EYS: variants seen among roughly 807,000 people sequenced by gnomAD.
EYS encodes protein eyes shut homolog.
A neutral mutation model predicts 282.1 loss-of-function variants in EYS; 250 were observed. That is an observed-to-expected ratio of 0.89 (90% CI 0.80 to 0.98). The LOEUF is 0.98. Ranked by LOEUF, EYS falls within the 50% of genes least tolerant of loss-of-function variation. The pLI, the probability that EYS is intolerant of heterozygous loss-of-function variation, is 0.00. For missense variants in EYS, 4,016 were observed against 3,709.0 expected (o/e 1.08, Z -2.15); for synonymous variants, 1,355 against 1,282.9 (o/e 1.06, Z -1.20).
At chr6:65,644,731 G>A (rs1216894822) in intron 1 of EYS, among the ~76,000 whole-genome samples, 1 of 152,188 alleles carries the variant, frequency 6.6e-6, no homozygotes. Flanking sequence ...CAGAAATCCT[G>A]CAAGCCAGAA....
At chr6:65,453,030 T>C (rs570305793) in intron 5 of EYS, among the ~76,000 whole-genome samples, 1 of 152,154 alleles carries the variant, frequency 6.6e-6, no homozygotes, top group Admixed American at 6.5e-5. Flanking sequence ...CATTTATAAG[T>C]ACACAGCCTG....
chr6:65,422,559 G>A (rs1767505656), intron 5 of EYS, among the ~76,000 whole-genome samples: 1 of 151,634 alleles, frequency 6.6e-6, no homozygotes, highest in South Asian at 2.1e-4. Flanking sequence ...CAATAAACAT[G>A]CAAAGCTTTT....
intron 12 of EYS, among the ~76,000 whole-genome samples, chr6:65,064,275 A>G (rs919253590): frequency 7.0e-6 from 1 of 142,046 alleles, no homozygotes; most frequent in Non-Finnish European, 1.5e-5. Flanking sequence ...ATAGTATACT[A>G]TATATCATAT....
chr6:63,864,158 T>C (rs1276838218), intron 36 of EYS, 28 bp downstream of exon 36: 1 of 1,439,558 alleles, frequency 6.9e-7, no homozygotes, highest in Non-Finnish European at 9.2e-7. Flanking sequence ...CTGTCTGTGC[T>C]CCATGTTTAA....
intron 32 of EYS, among the ~76,000 whole-genome samples, chr6:64,079,593 C>A (rs1021068977): frequency 6.6e-6 from 1 of 151,408 alleles, no homozygotes; most frequent in African/African-American, 2.4e-5. Context: ...TTTATTATAC[C>A]TTAAGTTCTA....
chr6:64,581,145 G>A (rs745363140), intron 26 of EYS, among the ~76,000 whole-genome samples: 5 of 152,098 alleles, frequency 3.3e-5, no homozygotes, highest in Admixed American at 1.3e-4. Flanking sequence ...AAAGGAATAA[G>A]AATTGACTAA....
intron 12 of EYS, among the ~76,000 whole-genome samples, chr6:65,133,716 C>A (rs981569225): frequency 2.2e-4 from 33 of 151,968 alleles, no homozygotes; most frequent in African/African-American, 5.8e-4. Context: ...ACAGGCAAAC[C>A]TTTCAAGATG....
chr6:65,406,167 CTAAT>C (rs1296306422), intron 5 of EYS, among the ~76,000 whole-genome samples: 2 of 152,018 alleles, frequency 1.3e-5, no homozygotes, highest in African/African-American at 4.8e-5. Flanking sequence ...TCACTAATGA[CTAAT>C]TATTTTTAGC....
chr6:64,053,784 G>A (rs1476133231), intron 33 of EYS, among the ~76,000 whole-genome samples: 1 of 152,030 alleles, frequency 6.6e-6, no homozygotes, highest in African/African-American at 2.4e-5. Flanking sequence ...ATTTAACCTT[G>A]AAGGCCCTCT....
chr6:64,392,903 A>G, intron 28 of EYS, among the ~76,000 whole-genome samples: 1 of 152,164 alleles, frequency 6.6e-6, no homozygotes, highest in African/African-American at 2.4e-5. Flanking sequence ...AGAAAAAAAG[A>G]GAGAAGAATC....
At chr6:63,727,753 T>TATATATATATATA (rs1554164611) in intron 41 of EYS, among the ~76,000 whole-genome samples, 2 of 104,526 alleles carry the variant, frequency 1.9e-5, no homozygotes, top group African/African-American at 9.4e-5. Flanking sequence ...TATATATATG[T>TATATATATATATA]TAGCTGGGCA....
intron 11 of EYS, among the ~76,000 whole-genome samples, chr6:65,319,389 AAT>A (rs531016770): frequency 6.7e-6 from 1 of 150,124 alleles, no homozygotes. Context: ...CAAAAAAAAT[AAT>A]ATATATATAT....
chr6:64,296,575 TATATATATACATATA>T (rs1769014252), intron 30 of EYS, among the ~76,000 whole-genome samples: 3 of 10,928 alleles, frequency 2.7e-4, no homozygotes, highest in African/African-American at 6.0e-4. Context: ...TATATATATA[TATATATATACATATA>T]TATATATATT....
intron 26 of EYS, among the ~76,000 whole-genome samples, chr6:64,447,227 A>G (rs930247496): frequency 7.9e-5 from 12 of 151,740 alleles, no homozygotes; most frequent in East Asian, 1.9e-4. Context: ...TCTAAAGAAG[A>G]GCTTGAATTT....
chr6:64,159,852 G>A (rs61317320), intron 31 of EYS, among the ~76,000 whole-genome samples: 3,906 of 152,214 alleles, frequency 0.026, 156 homozygotes, highest in African/African-American at 0.089. Flanking sequence ...CTGGTTAAAG[G>A]TTTGAAGTTC....
At chr6:63,853,447 A>G (rs1189033766) in intron 36 of EYS, among the ~76,000 whole-genome samples, 1 of 152,212 alleles carries the variant, frequency 6.6e-6, no homozygotes, top group African/African-American at 2.4e-5. Context: ...GACCACTTCA[A>G]GGAGAACTAC....
chr6:63,754,236 A>G (rs1259004098), intron 41 of EYS, among the ~76,000 whole-genome samples: 1 of 151,978 alleles, frequency 6.6e-6, no homozygotes, highest in Admixed American at 6.6e-5. Flanking sequence ...GTACATGTGC[A>G]CAACATGCAG....
At position 63,904,143 on chromosome 6, in the gene EYS, C is replaced by A. The variant is rs573398860; in HGVS notation, c.7056-39785G>T. On this transcript the variant is annotated intron_variant, in intron 35 of 42. Coordinates refer to ENST00000503581, the MANE Select transcript of EYS (RefSeq NM_001142800.2). ...CCAGAAGTGGGCCTGCGAGGCTCAG[C>A]TCTCTTTTCTGCTTGGCTGGGGCCC... is the stretch of plus-strand genomic sequence containing the variant. 7.2e-5 allele frequency among the ~76,000 whole-genome samples: 11 copies of A among 152,222 alleles called. No individual in the cohort carries two copies. The East Asian group carries it at 2.1e-3, about 29-fold the overall frequency.
chr6:64,590,677 T>A lies in EYS; in HGVS notation c.5190A>T (p.Gly1730=), dbSNP rs1766376960. The change falls in exon 26 of 43, where the codon GGA becomes GGT. Residue 1730 remains glycine, a synonymous_variant. Transcript: ENST00000503581. ...GGTGAAGTTTGAACAGTGTATGAGA[T>A]CCTTTACTTTTTTCCATGTCCAATA... is the stretch of plus-strand genomic sequence containing the variant. The part of the protein sequence containing the change: ...ESLLDMEKSK[G]SHTLFKLHPS... 2 of 1,551,146 alleles carry A rather than the reference T, an allele frequency of 1.3e-6. No individual in the cohort carries two copies. Among genetic ancestry groups the A allele is most frequent in the African/African-American group, 2.7e-5 (2 of 73,018 alleles).
Sources: gnomAD v4.1 joint callset for allele counts (sites outside exome capture counted in the v4.1 genomes callset) on GRCh38, gnomAD v4.1.1 for gene constraint, MANE v1.5 for transcripts, NCBI Gene and HGNC (gene_info 2026-07-23, HGNC 2026-07-21) for gene names.